SH3GL3: variants seen among roughly 807,000 people sequenced by gnomAD.
The protein encoded by SH3GL3 is endophilin-A3.
Under a neutral mutation model 47.7 loss-of-function variants are expected in SH3GL3, and 33 were observed. The ratio of observed to expected loss-of-function variants is 0.69; its 90% CI spans 0.52 to 0.92. The LOEUF (loss-of-function observed/expected upper bound fraction) is 0.92. Ranked by LOEUF, SH3GL3 falls within the 40% of genes least tolerant of loss-of-function variation. The pLI is 0.00. For missense variants in SH3GL3, 363 were observed against 417.8 expected (o/e 0.87, Z 1.14); for synonymous variants, 155 against 148.8 (o/e 1.04, Z -0.30).
intron 3 of SH3GL3, 121 bp from the exon 4 acceptor site, chr15:83,568,408 C>A: frequency 1.5e-6 from 1 of 679,550 alleles, no homozygotes; most frequent in Non-Finnish European, 2.5e-6. Context: ...TGTTTCAGGC[C>A]TCAGGTCTCT....
chr15:83,568,902 CTTTTTT>C (rs58463834), intron 4 of SH3GL3, among the ~76,000 whole-genome samples: 64 of 130,954 alleles, frequency 4.9e-4, no homozygotes, highest in African/African-American at 1.7e-3. Context: ...TGTTGTGTAT[CTTTTTT>C]TTTTTTTTTT....
chr15:83,554,122 T>C (rs1480497270), intron 1 of SH3GL3, among the ~76,000 whole-genome samples: 4 of 151,064 alleles, frequency 2.6e-5, no homozygotes, highest in African/African-American at 4.9e-5. Flanking sequence ...CGAGTTCAAG[T>C]GATTCTTCCA....
At chr15:83,620,625 A>G (rs1273126579), downstream of SH3GL3, among the ~76,000 whole-genome samples, 1 of 152,240 alleles carries the variant, frequency 6.6e-6, no homozygotes, top group Non-Finnish European at 1.5e-5. Flanking sequence ...CCATGCTATA[A>G]ACAGACATAC....
chr15:83,601,062 C>T (rs1004979657), intron 8 of SH3GL3, among the ~76,000 whole-genome samples: 6 of 152,122 alleles, frequency 3.9e-5, no homozygotes, highest in Non-Finnish European at 5.9e-5. Flanking sequence ...TTGCTGAATT[C>T]ATTTATCAGT....
rs2060633164 is a variant in SH3GL3, at chr15:83,610,553, GAGAAA to G, written c.839-7523_839-7519del. On this transcript the variant is annotated intron_variant, in intron 8 of 8. Transcript: ENST00000427482. ...AAAAAAGAAAAAAGGAAAAGGAAAA[GAGAAA>G]AGAAAGAAAAAGAAAAAGAGTGGGG... Among the ~76,000 whole-genome samples, 3 of 152,122 alleles carry G rather than the reference GAGAAA, an allele frequency of 2.0e-5. No individual in the cohort carries two copies. The South Asian group carries it at 6.2e-4, about 32-fold the overall frequency.
At chr15:83,474,095 A>G (rs2040981538) in intron 1 of SH3GL3, among the ~76,000 whole-genome samples, 1 of 152,136 alleles carries the variant, frequency 6.6e-6, no homozygotes, top group South Asian at 2.1e-4. Flanking sequence ...AGAAAAGTAT[A>G]TCTACCCCAT....
intron 8 of SH3GL3, among the ~76,000 whole-genome samples, chr15:83,598,711 A>C (rs1162600893): frequency 1.3e-5 from 2 of 152,206 alleles, no homozygotes; most frequent in African/African-American, 4.8e-5. Context: ...TCTTATATTC[A>C]TTCCAATTTC....
intron 1 of SH3GL3, among the ~76,000 whole-genome samples, chr15:83,525,916 T>A (rs2151663934): frequency 6.6e-6 from 1 of 152,318 alleles, no homozygotes; most frequent in Non-Finnish European, 1.5e-5. Context: ...GATGCTTTGA[T>A]TACTATAGTT....
At chr15:83,544,498 T>C (rs565590651) in intron 1 of SH3GL3, among the ~76,000 whole-genome samples, 1 of 152,256 alleles carries the variant, frequency 6.6e-6, no homozygotes, top group East Asian at 1.9e-4. Flanking sequence ...AGGTCTGATG[T>C]TTCTTTATTG....
chr15:83,579,442 G>A lies in SH3GL3; in HGVS notation c.624+2701G>A, dbSNP rs1166345842. Among the ~76,000 whole-genome samples the A allele has an allele frequency of 2.0e-5, 3 of 152,316 alleles. No homozygotes were observed. The East Asian group carries it at 5.8e-4, about 29-fold the overall frequency. On this transcript the variant is annotated intron_variant, in intron 6 of 8. Transcript: ENST00000427482. ...TACTTCTGCCATTGAGGTGGGAGGA[G>A]ACCAACGTTATGAAACGGAGATGGG...
rs757962311 is a variant in SH3GL3 at position 83,565,183 on chromosome 15, C to T, written c.164C>T (p.Thr55Ile). 9 of 1,582,368 alleles carry T rather than the reference C, an allele frequency of 5.7e-6. No homozygotes were observed. The highest frequency in any genetic ancestry group is 3.3e-4 in the Middle Eastern group (2 of 5,988). ...GTTGCAGAAATTCTTTCAAAAACCA[C>T]TGAATATCTTCAGCCAAATCCAGGT... The part of the protein sequence containing the change: ...KVVAEILSKT[T>I]EYLQPNPAYR... The change falls in exon 3 of 9, where the codon ACT (threonine) becomes ATT (isoleucine). Residue 55 changes from threonine (T) to isoleucine (I), a missense_variant. By Grantham distance (89) the Thr-to-Ile change is moderately conservative. Coordinates refer to ENST00000427482, the MANE Select transcript of SH3GL3 (RefSeq NM_003027.5).
intron 1 of SH3GL3, among the ~76,000 whole-genome samples, chr15:83,500,574 G>C (rs2042252519): frequency 6.6e-6 from 1 of 152,366 alleles, no homozygotes; most frequent in East Asian, 1.9e-4. Context: ...TCGAGTGGCT[G>C]TCCAAGGGCT....
At chr15:83,466,382 T>A (rs945937795) in intron 1 of SH3GL3, among the ~76,000 whole-genome samples, 3 of 151,514 alleles carry the variant, frequency 2.0e-5, no homozygotes, top group Non-Finnish European at 4.4e-5. Flanking sequence ...TGTGTTTCTC[T>A]GGCGTAAATG....
chr15:83,482,302 AT>A (rs1367581719), intron 1 of SH3GL3, among the ~76,000 whole-genome samples: 1 of 151,874 alleles, frequency 6.6e-6, no homozygotes, highest in East Asian at 1.9e-4. Context: ...TTTTTTGTGT[AT>A]TGTTTTACAG....
chr15:83,615,379 A>G (rs1222035316), intron 8 of SH3GL3, among the ~76,000 whole-genome samples: 1 of 152,084 alleles, frequency 6.6e-6, no homozygotes, highest in Non-Finnish European at 1.5e-5. Context: ...TAGTGGTGTG[A>G]TCTCAGCTCA....
rs934367628 is a variant in SH3GL3 at position 83,584,568 on chromosome 15, C to G, written c.625-2415C>G. ...TGTCAACCACCGAGGCCTGTGCCTC[C>G]TTGACCTCTAACCTACATGGAAGTC... On this transcript the variant is annotated intron_variant, in intron 6 of 8. Transcript: ENST00000427482. Among the ~76,000 whole-genome samples the G allele has an allele frequency of 3.9e-5, 6 of 152,296 alleles. No individual in the cohort carries two copies. The South Asian group carries it at 1.0e-3, about 26-fold the overall frequency.
At chr15:83,617,944 A>T in intron 8 of SH3GL3, 138 bp from the exon 9 acceptor site, 1 of 637,778 alleles carries the variant, frequency 1.6e-6, no homozygotes, top group Admixed American at 2.6e-5. Flanking sequence ...CGGCACCGTG[A>T]GCTGGGTGGA....
chr15:83,475,614 T>A (rs1483608724), intron 1 of SH3GL3, among the ~76,000 whole-genome samples: 2 of 152,256 alleles, frequency 1.3e-5, no homozygotes, highest in Non-Finnish European at 2.9e-5. Flanking sequence ...AGTCATTGCC[T>A]AAAACAAATT....
chr15:83,605,101 C>T (rs1271550039), intron 8 of SH3GL3, among the ~76,000 whole-genome samples: 1 of 152,274 alleles, frequency 6.6e-6, no homozygotes, highest in Admixed American at 6.5e-5. Context: ...CCTAGAAGGG[C>T]GATGTACAGA....
Sources: gnomAD v4.1 joint callset for allele counts (sites outside exome capture counted in the v4.1 genomes callset) on GRCh38, gnomAD v4.1.1 for gene constraint, MANE v1.5 for transcripts, NCBI Gene and HGNC (gene_info 2026-07-23, HGNC 2026-07-21) for gene names.